Variants in COL4A3 observed in about 807,000 individuals in gnomAD.
COL4A3 encodes the protein collagen alpha-3(IV) chain.
COL4A3 carries 135 observed loss-of-function variants against 217.4 expected under a neutral mutation model. The ratio of observed to expected loss-of-function variants is 0.62; its 90% CI spans 0.54 to 0.72. COL4A3 has a LOEUF of 0.72. Ranked by LOEUF, COL4A3 falls within the 30% of genes least tolerant of loss-of-function variation. The probability of loss-of-function intolerance (pLI) is 0.00; values close to 1 mark genes in which losing one functional copy is unlikely to be tolerated. For missense variants in COL4A3, 1,868 were observed against 2,119.9 expected, an observed-to-expected ratio of 0.88 and a Z score of 2.33; for synonymous variants, 690 against 736.3, an observed-to-expected ratio of 0.94 and a Z score of 1.02.
chr2:227,192,583 A>T (rs555807876), intron 1 of COL4A3, among the ~76,000 whole-genome samples: 3 of 152,292 alleles, frequency 2.0e-5, no homozygotes, highest in African/African-American at 7.2e-5. Flanking sequence ...TTGTATGGAG[A>T]TCACTTGACG....
At chr2:227,257,776 G>A in intron 18 of COL4A3, 132 bp downstream of exon 18, 2 of 850,568 alleles carry the variant, frequency 2.4e-6, no homozygotes, top group Non-Finnish European at 3.9e-6. Flanking sequence ...GTCAAACCAG[G>A]GCAGAAAATA....
intron 44 of COL4A3, 99 bp downstream of exon 44, chr2:227,303,209 T>G: frequency 2.2e-5 from 21 of 972,206 alleles, no homozygotes; most frequent in Non-Finnish European, 3.5e-5. Context: ...CAGCTGGGGT[T>G]AGTACAAATA....
At chr2:227,267,963 C>A (rs1268425251) in intron 23 of COL4A3, among the ~76,000 whole-genome samples, 1 of 152,242 alleles carries the variant, frequency 6.6e-6, no homozygotes. Context: ...AGTCACAGAA[C>A]TGCCTATGGG....
At chr2:227,300,073 A>AT (rs1164046604) in intron 43 of COL4A3, among the ~76,000 whole-genome samples, 1 of 152,194 alleles carries the variant, frequency 6.6e-6, no homozygotes, top group African/African-American at 2.4e-5. Context: ...CAGTTTAACT[A>AT]TTTATCAGCC....
intron 1 of COL4A3, among the ~76,000 whole-genome samples, chr2:227,195,642 G>C (rs1276490659): frequency 6.8e-6 from 1 of 146,754 alleles, no homozygotes; most frequent in Non-Finnish European, 1.5e-5. Context: ...TATTATTTTA[G>C]AGTCTATGCC....
chr2:227,284,022 T>C (rs2072159740), intron 33 of COL4A3, among the ~76,000 whole-genome samples, 166 bp downstream of exon 33: 1 of 152,276 alleles, frequency 6.6e-6, no homozygotes, highest in African/African-American at 2.4e-5. Context: ...AATGGAATCC[T>C]GTTTTCTGTA....
rs553107141 is a variant in COL4A3 at position 227,311,769 on chromosome 2, G to T, written c.4929-17G>T. 1 of 1,609,136 alleles carries T rather than the reference G, an allele frequency of 6.2e-7. No homozygotes were observed. Among genetic ancestry groups the T allele is most frequent in the Admixed American group, 1.7e-5 (1 of 59,308 alleles). On this transcript the variant is annotated splice_polypyrimidine_tract_variant and intron_variant, in intron 51 of 51. Transcript: ENST00000396578. ...ATGCATAAATAAATGAATTTTTTTG[G>T]TTTGTTTTTATTTCAGAAAGCCTAT...
intron 42 of COL4A3, among the ~76,000 whole-genome samples, chr2:227,298,389 T>C (rs961092254): frequency 6.6e-6 from 1 of 152,154 alleles, no homozygotes; most frequent in Non-Finnish European, 1.5e-5. Flanking sequence ...GATGCATTCA[T>C]TCAACTCTAT....
rs906000783 is a variant in COL4A3 at position 227,290,857 on chromosome 2, G to T, written c.3181G>T (p.Gly1061Cys). ...TAAGGGAGAGCCAGGTTATTCAGAA[G>T]GTACAAGGCCAGGACCACCGGGACC... ...GDKGEPGYSE[G>C]TRPGPPGPTG... The change falls in exon 37 of 52, where the codon GGT becomes TGT. Residue 1061 changes from glycine (G) to cysteine (C), a missense_variant. By Grantham distance (159) the Gly-to-Cys change is radical (BLOSUM62 -3). Coordinates refer to ENST00000396578, the MANE Select transcript of COL4A3 (RefSeq NM_000091.5). The T allele has an allele frequency of 2.2e-5, 35 of 1,613,044 alleles. No homozygotes were observed. The highest frequency in any genetic ancestry group is 3.0e-5 in the Non-Finnish European group (35 of 1,179,800).
intron 47 of COL4A3, among the ~76,000 whole-genome samples, chr2:227,306,843 C>T (rs1423628608): frequency 6.6e-6 from 1 of 152,068 alleles, no homozygotes; most frequent in African/African-American, 2.4e-5. Context: ...CCTTAGGACC[C>T]TAGAGAACCA....
chr2:227,241,845 G>T (rs2069039608), intron 3 of COL4A3, among the ~76,000 whole-genome samples: 1 of 152,086 alleles, frequency 6.6e-6, no homozygotes, highest in Non-Finnish European at 1.5e-5. Flanking sequence ...CACAAATCAT[G>T]ACTGTGGTGA....
intron 1 of COL4A3, among the ~76,000 whole-genome samples, chr2:227,230,620 T>C (rs867891091): frequency 2.0e-5 from 3 of 152,194 alleles, no homozygotes; most frequent in Non-Finnish European, 2.9e-5. Context: ...GGTCCAACAA[T>C]GTAGATGGAT....
chr2:227,310,071 A>G (rs1397380637), intron 50 of COL4A3, among the ~76,000 whole-genome samples: 1 of 152,236 alleles, frequency 6.6e-6, no homozygotes, highest in Admixed American at 6.5e-5. Flanking sequence ...TATTTAGTGG[A>G]AAAGCTAGGA....
At chr2:227,246,801 ATATG>A in intron 7 of COL4A3, 63 bp downstream of exon 7, 8 of 1,316,310 alleles carry the variant, frequency 6.1e-6, no homozygotes, top group Non-Finnish European at 8.8e-6. Flanking sequence ...GGTCTACTCC[ATATG>A]GCCATATACA....
Position 227,266,505 on chromosome 2 carries a change from C to G in COL4A3, c.1404C>G (p.Pro468=). ...CAGGAATCCCAGGAGTTGATGGGCCCAAAGGTTGGTTCAATCAATAATGTT... is the reference window on the plus strand; with the variant it reads ...CAGGAATCCCAGGAGTTGATGGGCCGAAAGGTTGGTTCAATCAATAATGTT... The part of the protein sequence containing the change: ...GSPGIPGVDG[P]KGEPGLLCTQ... The change falls in exon 22 of 52, where the codon CCC becomes CCG. Residue 468 remains proline (P), a synonymous_variant. Coordinates refer to ENST00000396578, the MANE Select transcript of COL4A3 (RefSeq NM_000091.5). The G allele has an allele frequency of 6.2e-7, 1 of 1,612,630 alleles. No homozygotes were observed. The highest frequency in any genetic ancestry group is 1.3e-5 in the African/African-American group (1 of 74,956).
intron 1 of COL4A3, among the ~76,000 whole-genome samples, chr2:227,234,645 C>A (rs571552616): frequency 6.6e-6 from 1 of 152,290 alleles, no homozygotes; most frequent in Admixed American, 6.5e-5. Flanking sequence ...TCTCCTGGGA[C>A]AAACAGTCAT....
chr2:227,171,539 T>A (rs1344202745), intron 1 of COL4A3, among the ~76,000 whole-genome samples: 1 of 152,176 alleles, frequency 6.6e-6, no homozygotes, highest in African/African-American at 2.4e-5. Flanking sequence ...ATGAAGCTGT[T>A]GGCGTCTGTC....
At chr2:227,179,562 A>G (rs2065804308) in intron 1 of COL4A3, among the ~76,000 whole-genome samples, 1 of 152,232 alleles carries the variant, frequency 6.6e-6, no homozygotes, top group South Asian at 2.1e-4. Flanking sequence ...TTTATTAGAT[A>G]TCCAAACTAA....
intron 1 of COL4A3, among the ~76,000 whole-genome samples, chr2:227,165,921 T>G (rs1437302300): frequency 6.6e-6 from 1 of 152,220 alleles, no homozygotes; most frequent in Non-Finnish European, 1.5e-5. Flanking sequence ...CTTTCACCAC[T>G]TTCATATTTC....
Sources: gnomAD v4.1 joint callset for allele counts (sites outside exome capture counted in the v4.1 genomes callset) on GRCh38, gnomAD v4.1.1 for gene constraint, MANE v1.5 for transcripts, NCBI Gene and HGNC (gene_info 2026-07-23, HGNC 2026-07-21) for gene names.